Variants in ZNF331 observed in about 807,000 individuals in gnomAD.
ZNF331 encodes zinc finger protein 331, also known as C2H2-like zinc finger protein rearranged in thyroid adenomas.
A neutral mutation model predicts 7.0 loss-of-function variants in ZNF331; 2 were observed. The ratio of observed to expected loss-of-function variants is 0.29; its 90% confidence interval spans 0.12 to 0.90. ZNF331 has a LOEUF of 0.90. ZNF331 is among the 40% of genes least tolerant of loss of function. The pLI, the probability that ZNF331 is intolerant of heterozygous loss-of-function variation, is 0.58. For missense variants in ZNF331, 432 were observed against 587.7 expected, an observed-to-expected ratio of 0.74 and a Z score of 2.74; for synonymous variants, 196 against 205.4, an observed-to-expected ratio of 0.95 and a Z score of 0.39.
chr19:53,509,331 C>G, the ZNF331 span, among the ~76,000 whole-genome samples: 1 of 152,184 alleles, frequency 6.6e-6, no homozygotes, highest in Non-Finnish European at 1.5e-5. Flanking sequence ...GTAATGGAAC[C>G]CCAGACCCAG....
chr19:53,506,054 G>A, the ZNF331 span, among the ~76,000 whole-genome samples: 118 of 151,028 alleles, frequency 7.8e-4, no homozygotes, highest in Non-Finnish European at 1.5e-3. Context: ...GAATCACACC[G>A]GCTGGGTGCA....
chr19:53,559,383 TACACATAC>T (rs2089674039), intron 3 of ZNF331, among the ~76,000 whole-genome samples: 1 of 147,738 alleles, frequency 6.8e-6, no homozygotes, highest in Admixed American at 6.7e-5. Context: ...ACCCCATATA[TACACATAC>T]ACACCTACAT....
At chr19:53,575,174 A>C (rs2147700994) in intron 5 of ZNF331, among the ~76,000 whole-genome samples, 1 of 151,966 alleles carries the variant, frequency 6.6e-6, no homozygotes, top group African/African-American at 2.4e-5. Flanking sequence ...CCTGAGCTCA[A>C]GTAATCCACC....
the ZNF331 span, among the ~76,000 whole-genome samples, chr19:53,504,851 A>G: frequency 1.3e-5 from 2 of 152,212 alleles, no homozygotes; most frequent in African/African-American, 4.8e-5. Flanking sequence ...CGGTGTGGTT[A>G]GCGGACAGAA....
At chr19:53,530,343 TGACAG>T (rs1344830327) in intron 2 of ZNF331, among the ~76,000 whole-genome samples, 2 of 149,770 alleles carry the variant, frequency 1.3e-5, no homozygotes, top group Admixed American at 1.3e-4. Flanking sequence ...GCACTGGGGA[TGACAG>T]TTCACCTCCC....
At chr19:53,551,858 G>C (rs879340858) in intron 2 of ZNF331, among the ~76,000 whole-genome samples, 24 of 152,172 alleles carry the variant, frequency 1.6e-4, no homozygotes, top group Non-Finnish European at 3.2e-4. Context: ...CTTTGTATAA[G>C]AGTCTGAAGC....
chr19:53,507,787 C>T, the ZNF331 span, among the ~76,000 whole-genome samples: 1 of 152,094 alleles, frequency 6.6e-6, no homozygotes, highest in Admixed American at 6.5e-5. Context: ...TGTCTTCAGG[C>T]CAGGAGTTCA....
rs763477774 is a variant in ZNF331 at position 53,578,260 on chromosome 19, C to T, written c.*308C>T. The T allele has an allele frequency of 1.7e-4, 57 of 342,980 alleles. No individual in the cohort carries two copies. The highest frequency in any genetic ancestry group is 3.4e-4 in the Admixed American group (8 of 23,654). 21.2% of individuals were successfully genotyped at this position (342,980 alleles called of 1,614,324 possible). On this transcript the variant is annotated 3_prime_UTR_variant, in exon 6 of 6. Transcript: ENST00000449416. ...ATCCCAGCATCACAGTGCCTGTGCCCAAGCAGTCCTCACTTTGCTTAACAG... is the reference window on the plus strand; with the variant it reads ...ATCCCAGCATCACAGTGCCTGTGCCTAAGCAGTCCTCACTTTGCTTAACAG...
the ZNF331 span, among the ~76,000 whole-genome samples, chr19:53,506,934 C>T: frequency 6.6e-6 from 1 of 152,140 alleles, no homozygotes; most frequent in Non-Finnish European, 1.5e-5. Flanking sequence ...CCTCTGATGT[C>T]CCAAATCCTC....
the ZNF331 span, among the ~76,000 whole-genome samples, chr19:53,510,193 G>A: frequency 1.3e-5 from 2 of 152,202 alleles, no homozygotes; most frequent in Non-Finnish European, 2.9e-5. Flanking sequence ...TCTTGGCAGA[G>A]AAACACTTAC....
chr19:53,560,696 G>A lies in ZNF331; in HGVS notation c.-74+4788G>A, dbSNP rs1045804454. On this transcript the variant is annotated intron_variant, in intron 3 of 5. Coordinates refer to ENST00000449416, the MANE Select transcript of ZNF331 (RefSeq NM_001079906.2). The surrounding 1 kb of genome is among the most constrained non-coding windows in gnomAD (Gnocchi z 4.3). Reference sequence around the variant, plus strand: ...TTGCTTTTGCTGGCTTCTAGACGCCGCCCACACTCCTTAGTTCGTGACCCC... The same window carrying A: ...TTGCTTTTGCTGGCTTCTAGACGCCACCCACACTCCTTAGTTCGTGACCCC... 1.3e-5 allele frequency among the ~76,000 whole-genome samples: 2 copies of A among 152,072 alleles called. No individual in the cohort carries two copies. The highest frequency in any genetic ancestry group is 2.9e-5 in the Non-Finnish European group (2 of 68,014).
intron 2 of ZNF331, among the ~76,000 whole-genome samples, chr19:53,546,156 AAAAAAT>A (rs1344935257): frequency 4.0e-5 from 6 of 148,440 alleles, no homozygotes; most frequent in Admixed American, 1.3e-4. Context: ...AAAAAAAAAA[AAAAAAT>A]TATTATTTAG....
upstream of ZNF331, among the ~76,000 whole-genome samples, chr19:53,537,909 C>T (rs559930911): frequency 9.7e-4 from 147 of 151,950 alleles, no homozygotes; most frequent in Middle Eastern, 6.9e-3. Context: ...TCTGTGCGTG[C>T]GCACACGCCC....
chr19:53,540,705 G>A (rs2088100141), intron 2 of ZNF331, among the ~76,000 whole-genome samples: 1 of 152,068 alleles, frequency 6.6e-6, no homozygotes, highest in Non-Finnish European at 1.5e-5. Context: ...CCAAAGTGCG[G>A]GATTACAGGT....
At chr19:53,552,820 A>G (rs2089097851) in intron 2 of ZNF331, among the ~76,000 whole-genome samples, 1 of 152,178 alleles carries the variant, frequency 6.6e-6, no homozygotes, top group Non-Finnish European at 1.5e-5. Flanking sequence ...AGTAACCACA[A>G]ACTTAAAAAA....
At chr19:53,540,874 C>G (rs930795746) in intron 2 of ZNF331, among the ~76,000 whole-genome samples, 1 of 152,200 alleles carries the variant, frequency 6.6e-6, no homozygotes, top group East Asian at 1.9e-4. Flanking sequence ...TCTGACCCTA[C>G]TTCTTTCTGT....
chr19:53,503,323 TC>T, the ZNF331 span: 2 of 378,750 alleles, frequency 5.3e-6, no homozygotes, highest in African/African-American at 2.1e-5. Context: ...TAAATGTCGC[TC>T]ATGCATCACG....
chr19:53,554,462 C>A (rs1326477126), intron 2 of ZNF331: 3 of 152,278 alleles, frequency 2.0e-5, no homozygotes, highest in African/African-American at 4.8e-5. Flanking sequence ...GCTCCGGCCG[C>A]TGGGTGCGGG....
intron 2 of ZNF331, among the ~76,000 whole-genome samples, chr19:53,541,735 C>G (rs1463270341): frequency 6.6e-6 from 1 of 152,192 alleles, no homozygotes; most frequent in Non-Finnish European, 1.5e-5. Flanking sequence ...GAGATAATCA[C>G]TGATGAACAT....
Sources: allele counts gnomAD v4.1 joint callset (sites outside exome capture counted in the v4.1 genomes callset), GRCh38; gene constraint gnomAD v4.1.1; non-coding constraint Gnocchi (gnomAD v3.1); transcripts MANE v1.5; gene names NCBI Gene and HGNC (gene_info 2026-07-23, HGNC 2026-07-21).